The following IGDCC4 variants were observed in gnomAD, a reference collection of about 807,000 sequenced individuals.
IGDCC4 encodes immunoglobulin superfamily DCC subclass member 4.
In IGDCC4, 72 loss-of-function variants were observed where a neutral mutation model predicts 116.6. The ratio of observed to expected loss-of-function variants is 0.62; its 90% CI spans 0.51 to 0.75. IGDCC4 has a LOEUF of 0.75. Ranked by LOEUF, IGDCC4 falls within the 30% of genes least tolerant of loss-of-function variation. IGDCC4 has a pLI of 0.00. For synonymous variants in IGDCC4, 709 were observed against 719.9 expected (o/e 0.98, Z 0.24); for missense variants, 1,501 against 1,662.4 (o/e 0.90, Z 1.69).
In IGDCC4 at chr15:65,396,053, G is replaced by C. The variant is rs1471540157; in HGVS notation, c.1108C>G (p.His370Asp). The change falls in exon 7 of 20, where the codon CAC (histidine) becomes GAC (aspartate). Residue 370 changes from histidine to aspartate, a missense_variant. This residue lies in a region of IGDCC4 where 898 missense variants were observed against 978.9 expected (regional missense o/e 0.92). Coordinates refer to ENST00000352385, the MANE Select transcript of IGDCC4 (RefSeq NM_020962.3). ...GEPRPALRWL[H>D]NGAPLRPNGR... ...TTGGGCCGCAGCGGCGCCCCGTTGTGCAGCCAGCGCAGCGCTGGCCGCGGC... is the reference window on the plus strand; with the variant it reads ...TTGGGCCGCAGCGGCGCCCCGTTGTCCAGCCAGCGCAGCGCTGGCCGCGGC... 2.1e-6 allele frequency: 3 copies of C among 1,424,578 alleles called. No individual in the cohort carries two copies. The highest frequency in any genetic ancestry group is 2.7e-6 in the Non-Finnish European group (3 of 1,094,846). 88.2% of individuals were successfully genotyped at this position (1,424,578 alleles called of 1,614,324 possible).
intron 3 of IGDCC4, among the ~76,000 whole-genome samples, chr15:65,406,228 T>C (rs1173174615): frequency 6.6e-6 from 1 of 152,276 alleles, no homozygotes; most frequent in African/African-American, 2.4e-5. Flanking sequence ...CAAGTGTTGC[T>C]GGTTTTCCAT....
intron 3 of IGDCC4, among the ~76,000 whole-genome samples, chr15:65,404,636 T>C (rs2063022869): frequency 6.6e-6 from 1 of 151,734 alleles, no homozygotes; most frequent in African/African-American, 2.4e-5. Context: ...AGTCTCTCCT[T>C]TGAAAAAATA....
At position 65,383,987 on chromosome 15, in the gene IGDCC4, AAAC is replaced by A; in HGVS notation, c.*19_*21del. The A allele has an allele frequency of 6.4e-7, 1 of 1,551,492 alleles. No individual in the cohort carries two copies. The highest frequency in any genetic ancestry group is 8.7e-7 in the Non-Finnish European group (1 of 1,144,256). The stretch of plus-strand genomic sequence containing the variant: ...TATGTGATCCATACCTGCCTGCCCC[AAAC>A]CACATCCTCTGGGAAGAGCTAGGCA... On this transcript the variant is annotated 3_prime_UTR_variant, in exon 20 of 20. Transcript: ENST00000352385.
chr15:65,415,409 G>A (rs1461726719), intron 1 of IGDCC4, among the ~76,000 whole-genome samples: 1 of 152,208 alleles, frequency 6.6e-6, no homozygotes, highest in Non-Finnish European at 1.5e-5. Flanking sequence ...GCCCAGAGGA[G>A]GCTCCGATTC....
rs958636007 is a variant in IGDCC4, at chr15:65,422,876, GGCCGCCGCCGCC to G, written c.-26_-15del. The G allele has an allele frequency of 1.1e-5, 12 of 1,103,998 alleles. No individual in the cohort carries two copies. Among genetic ancestry groups the G allele is most frequent in the Non-Finnish European group, 9.9e-6 (9 of 904,968 alleles). The allele number at this position is 1,103,998 out of a possible 1,614,324, so 68.4% of individuals were successfully genotyped here. A position where few individuals can be genotyped will look rare whatever the true frequency, so the allele number is the denominator to read the frequency against. ...CCCCCGCGCCATGGGGCTGGGCTCG[GGCCGCCGCCGCC>G]GCCGCCGCCTCCCCGTGCTTCGGCC... On this transcript the variant is annotated 5_prime_UTR_variant, in exon 1 of 20. Coordinates refer to ENST00000352385, the MANE Select transcript of IGDCC4 (RefSeq NM_020962.3).
chr15:65,389,441 C>T, intron 13 of IGDCC4, 30 bp from the exon 14 acceptor site: 1 of 1,614,048 alleles, frequency 6.2e-7, no homozygotes, highest in Non-Finnish European at 8.5e-7. Context: ...GACTAGTGCT[C>T]TCAGGCACAC....
chr15:65,396,651 C>G (rs576703709), intron 6 of IGDCC4, among the ~76,000 whole-genome samples, 183 bp downstream of exon 6: 50 of 152,272 alleles, frequency 3.3e-4, no homozygotes, highest in African/African-American at 1.2e-3. Flanking sequence ...GCCCCGCACT[C>G]CGTCCTCCAG....
Position 65,388,876 on chromosome 15 carries a change from T to C in IGDCC4, c.2639A>G (p.Glu880Gly). 1 of 1,613,958 alleles carries C rather than the reference T, an allele frequency of 6.2e-7. No individual in the cohort carries two copies. The highest frequency in any genetic ancestry group is 8.5e-7 in the Non-Finnish European group (1 of 1,180,010). The stretch of plus-strand genomic sequence containing the variant: ...GTTGCTGCTGTACAGGATCAGATAC[T>C]CCACGATCTCCCCGTTGGGCTCTGT... ...PPTEPNGEIV[E>G]YLILYSSNHT... Residue 880 changes from glutamate (E) to glycine (G), a missense_variant, in exon 15 of 20, where the codon GAG becomes GGG. By Grantham distance (98) the Glu-to-Gly change is moderately conservative (BLOSUM62 -2). Around this residue, in one of 3 missense-constraint regions of IGDCC4, gnomAD observed 235 missense variants for 328.0 expected, o/e 0.72. Transcript: ENST00000352385.
rs766382591 is a variant in IGDCC4, at chr15:65,392,000, C to T, written c.2123-19G>A. 1 of 1,595,988 alleles carries T rather than the reference C, an allele frequency of 6.3e-7. No homozygotes were observed. Among genetic ancestry groups the T allele is most frequent in the Non-Finnish European group, 8.5e-7 (1 of 1,170,304 alleles). The stretch of plus-strand genomic sequence containing the variant: ...CCAGGGACTGGGGAAGGTTACAGGG[C>T]TTAATGGCTAGGGGGACATCTGGGG... On this transcript the variant is annotated intron_variant, in intron 11 of 19. Coordinates refer to ENST00000352385, the MANE Select transcript of IGDCC4 (RefSeq NM_020962.3).
intron 5 of IGDCC4, among the ~76,000 whole-genome samples, chr15:65,400,094 A>G (rs1276282846): frequency 6.6e-5 from 10 of 152,194 alleles, no homozygotes; most frequent in Admixed American, 6.5e-4. Context: ...CTCTCCCCAG[A>G]GGGCTCTTGG....
chr15:65,398,323 C>G (rs2062946134), intron 5 of IGDCC4, among the ~76,000 whole-genome samples: 1 of 149,318 alleles, frequency 6.7e-6, no homozygotes, highest in East Asian at 2.0e-4. Flanking sequence ...CACTTGAGGT[C>G]AGGAGTTCGA....
At position 65,388,908 on chromosome 15, in the gene IGDCC4, G is replaced by A. The variant is rs749820979; in HGVS notation, c.2607C>T (p.Cys869=). 5.0e-6 allele frequency: 8 copies of A among 1,613,732 alleles called. No individual in the cohort carries two copies. Among genetic ancestry groups the A allele is most frequent in the African/African-American group, 4.0e-5 (3 of 75,042 alleles). The change falls in exon 15 of 20, where the codon TGC becomes TGT. Residue 869 remains cysteine, a synonymous_variant. Coordinates refer to ENST00000352385, the MANE Select transcript of IGDCC4 (RefSeq NM_020962.3). The stretch of plus-strand genomic sequence containing the variant: ...TCTCCCCGTTGGGCTCTGTGGGGGG[G>A]CACCAGTGCAGCCGAACCGTGGACG... ...LTPSTVRLHW[C]PPTEPNGEIV... is the part of the protein sequence containing the mutation.
In IGDCC4 at chr15:65,411,245, G is replaced by A. The variant is rs199499789; in HGVS notation, c.196C>T (p.Pro66Ser). 4.5e-5 allele frequency: 72 copies of A among 1,614,146 alleles called. No homozygotes were observed. The highest frequency in any genetic ancestry group is 1.1e-4 in the African/African-American group (8 of 75,066). ...NCSLGAAAAG[P>S]PTRVTWSKDG... is the part of the protein sequence containing the mutation. ...TTGCTCCAGGTCACCCTGGTGGGGG[G>A]TCCAGCGGCAGCAGCCCCCAGGCTA... The change falls in exon 2 of 20, where the codon CCC becomes TCC. Residue 66 changes from proline (P) to serine (S), a missense_variant. Pro to Ser is a moderately conservative substitution (Grantham distance 74). This residue lies in a region of IGDCC4 where 898 missense variants were observed against 978.9 expected (regional missense o/e 0.92). Coordinates refer to ENST00000352385, the MANE Select transcript of IGDCC4 (RefSeq NM_020962.3).
intron 1 of IGDCC4, 97 bp downstream of exon 1, chr15:65,422,696 C>A: frequency 9.6e-7 from 1 of 1,037,688 alleles, no homozygotes; most frequent in Non-Finnish European, 1.2e-6. Flanking sequence ...TTGCTCGGGA[C>A]TCCGGCTTGA....
chr15:65,387,293 C>G (rs1595775777), intron 16 of IGDCC4, among the ~76,000 whole-genome samples: 1 of 152,092 alleles, frequency 6.6e-6, no homozygotes, highest in Admixed American at 6.6e-5. Context: ...TTCCAAAGTG[C>G]ATAAGCACTT....
At chr15:65,397,024 G>A in intron 5 of IGDCC4, 35 bp from the exon 6 acceptor site, 2 of 1,560,560 alleles carry the variant, frequency 1.3e-6, no homozygotes, top group African/African-American at 1.4e-5. Flanking sequence ...TGGAGGGGAC[G>A]CTAGGGACTG....
intron 3 of IGDCC4, among the ~76,000 whole-genome samples, chr15:65,409,527 C>T (rs564773331): frequency 3.3e-5 from 5 of 152,298 alleles, no homozygotes; most frequent in African/African-American, 9.6e-5. Flanking sequence ...GTTTCTGGTA[C>T]GCTGCATACA....
chr15:65,391,950 C>T lies in IGDCC4; in HGVS notation c.2154G>A (p.Val718=). 6.2e-7 allele frequency: 1 copy of T among 1,613,252 alleles called. No individual in the cohort carries two copies. Among genetic ancestry groups the T allele is most frequent in the Non-Finnish European group, 8.5e-7 (1 of 1,179,656 alleles). ...VPGRLYEVKL[V]AFNKHEDGYA... Reference sequence around the variant, plus strand: ...AGCCATCCTCATGTTTGTTGAAAGCCACGAGCTTCACCTCGTACAGCCGGC... The same window carrying T: ...AGCCATCCTCATGTTTGTTGAAAGCTACGAGCTTCACCTCGTACAGCCGGC... The change falls in exon 12 of 20, where the codon GTG becomes GTA. Residue 718 remains valine, a synonymous_variant. Transcript: ENST00000352385.
chr15:65,394,381 C>A (rs1383821997), intron 9 of IGDCC4, 30 bp downstream of exon 9: 2 of 1,611,748 alleles, frequency 1.2e-6, no homozygotes, highest in East Asian at 2.2e-5. Flanking sequence ...CATTCCCATA[C>A]ATGCCTGCAG....
Sources: gnomAD v4.1 joint callset for allele counts (sites outside exome capture counted in the v4.1 genomes callset) on GRCh38, gnomAD v4.1.1 for gene constraint, gnomAD v4.1.1 regional missense constraint, MANE v1.5 for transcripts, NCBI Gene and HGNC (gene_info 2026-07-23, HGNC 2026-07-21) for gene names.